GGA3: variants seen among roughly 807,000 people sequenced by gnomAD.
The protein encoded by GGA3 is ADP-ribosylation factor-binding protein GGA3.
GGA3 carries 57 observed loss-of-function variants against 77.5 expected under a neutral mutation model. That is an observed-to-expected ratio of 0.74 (90% CI 0.59 to 0.92). The LOEUF is 0.92. Among genes scored for constraint, GGA3 ranks in the 40% least tolerant of loss-of-function variants. The pLI is 0.00. For missense variants in GGA3, 970 were observed against 914.9 expected, an observed-to-expected ratio of 1.06 and a Z score of -0.78; for synonymous variants, 416 against 383.7, an observed-to-expected ratio of 1.08 and a Z score of -0.98.
intron 1 of GGA3, among the ~76,000 whole-genome samples, chr17:75,253,262 T>C (rs974929531): frequency 3.3e-5 from 5 of 152,198 alleles, no homozygotes; most frequent in Admixed American, 2.0e-4. Context: ...CACTTTCTCC[T>C]TTCCACTCTT....
At chr17:75,245,726 C>T (rs1332703535) in intron 3 of GGA3, among the ~76,000 whole-genome samples, 3 of 152,096 alleles carry the variant, frequency 2.0e-5, no homozygotes, top group Non-Finnish European at 4.4e-5. Context: ...TGTCTCACTA[C>T]GTTGCCTAGG....
chr17:75,239,850 A>C lies in GGA3; in HGVS notation c.1522T>G (p.Leu508Val). The change falls in exon 13 of 17, where the codon TTG becomes GTG. Residue 508 changes from leucine to valine, a missense_variant. Coordinates refer to ENST00000537686, the MANE Select transcript of GGA3 (RefSeq NM_138619.4). ...PAVPGHHGLA[L>V]GNSALHHLDA... ...AGGTGGTGCAGCGCGCTGTTGCCCA[A>C]CGCCAAGCCATGGTGCCCAGGGACT... is the stretch of plus-strand genomic sequence containing the variant. 1 of 1,613,994 alleles carries C rather than the reference A, an allele frequency of 6.2e-7. No individual in the cohort carries two copies. The highest frequency in any genetic ancestry group is 8.5e-7 in the Non-Finnish European group (1 of 1,180,032).
chr17:75,248,791 AAAAC>A, intron 1 of GGA3: 1 of 782,700 alleles, frequency 1.3e-6, no homozygotes, highest in Non-Finnish European at 1.4e-6. Context: ...GTCTAAAAAA[AAAAC>A]AAAAACAAAA....
intron 1 of GGA3, among the ~76,000 whole-genome samples, chr17:75,261,164 C>T (rs577317645): frequency 2.8e-4 from 42 of 152,380 alleles, no homozygotes; most frequent in Non-Finnish European, 5.0e-4. Context: ...AAGCTTCTCC[C>T]TTAGTCAGGG....
intron 10 of GGA3, 27 bp from the exon 11 acceptor site, chr17:75,241,084 GAAT>G (rs1251597424): frequency 6.2e-7 from 1 of 1,613,610 alleles, no homozygotes; most frequent in African/African-American, 1.3e-5. Context: ...AGCAGAACAG[GAAT>G]AATTAGGGGT....
chr17:75,256,359 C>A lies in GGA3; in HGVS notation c.40+5189G>T, dbSNP rs189469555. Among the ~76,000 whole-genome samples the A allele has an allele frequency of 2.0e-5, 3 of 152,268 alleles. No individual in the cohort carries two copies. The East Asian group carries it at 5.8e-4, about 29-fold the overall frequency. On this transcript the variant is annotated intron_variant, in intron 1 of 16. Coordinates refer to ENST00000537686, the MANE Select transcript of GGA3 (RefSeq NM_138619.4). Reference sequence around the variant, plus strand: ...TATACTTTCTGCTCCCCGGCTCCTTCAGCTGTACTCACTCTTTGTTAAGTC... The same window carrying A: ...TATACTTTCTGCTCCCCGGCTCCTTAAGCTGTACTCACTCTTTGTTAAGTC...
chr17:75,259,585 G>C (rs1490791581), intron 1 of GGA3, among the ~76,000 whole-genome samples: 1 of 152,152 alleles, frequency 6.6e-6, no homozygotes, highest in Non-Finnish European at 1.5e-5. Flanking sequence ...ACAGTGGAAT[G>C]ATTTGATTCA....
chr17:75,238,918 G>C lies in GGA3; in HGVS notation c.1946C>G (p.Pro649Arg). The C allele has an allele frequency of 6.2e-7, 1 of 1,613,844 alleles. No homozygotes were observed. The highest frequency in any genetic ancestry group is 8.5e-7 in the Non-Finnish European group (1 of 1,179,870). Residue 649 changes from proline (P) to arginine (R), a missense_variant, in exon 15 of 17, where the codon CCC becomes CGC. Physicochemically the swap from Pro to Arg is moderately radical, Grantham distance 103. Transcript: ENST00000537686. ...GCCCCAGGGAGACACTGGTACCTTGGGCACTGCAGCCTGCAGCACGATGCT... is the reference window on the plus strand; with the variant it reads ...GCCCCAGGGAGACACTGGTACCTTGCGCACTGCAGCCTGCAGCACGATGCT... ...VKSIVLQAAV[P>R]KSMKVKLQPP...
chr17:75,245,525 G>GT (rs142783790), intron 3 of GGA3, among the ~76,000 whole-genome samples: 4,472 of 149,080 alleles, frequency 0.03, 90 homozygotes, highest in Non-Finnish European at 0.044. Flanking sequence ...GTTTTGTTAC[G>GT]TTTTTTTTTT....
intron 1 of GGA3, among the ~76,000 whole-genome samples, chr17:75,252,469 C>T (rs1350131280): frequency 6.6e-6 from 1 of 152,104 alleles, no homozygotes; most frequent in African/African-American, 2.4e-5. Context: ...TCCTTCTTCC[C>T]TCTCTCCTCA....
chr17:75,253,043 C>T (rs1012513133), intron 1 of GGA3, among the ~76,000 whole-genome samples: 6 of 152,162 alleles, frequency 3.9e-5, no homozygotes, highest in South Asian at 2.1e-4. Context: ...TTCACATGGA[C>T]GCGCATGAAA....
At chr17:75,253,513 G>A (rs928243239) in intron 1 of GGA3, among the ~76,000 whole-genome samples, 7 of 152,102 alleles carry the variant, frequency 4.6e-5, no homozygotes, top group African/African-American at 1.7e-4. Flanking sequence ...TGCTTTTCTG[G>A]GGGAGGGGCA....
At chr17:75,260,873 G>A (rs2077337402) in intron 1 of GGA3, among the ~76,000 whole-genome samples, 2 of 151,700 alleles carry the variant, frequency 1.3e-5, no homozygotes, top group African/African-American at 4.8e-5. Flanking sequence ...CTCAGAATAG[G>A]CTATCAACAC....
At chr17:75,242,186 C>T (rs1037853234) in intron 8 of GGA3, 150 bp downstream of exon 8, 12 of 811,552 alleles carry the variant, frequency 1.5e-5, no homozygotes, top group Non-Finnish European at 2.2e-5. Flanking sequence ...CCTCTACTGA[C>T]GTGGCTGCTG....
At chr17:75,239,105 G>C in intron 14 of GGA3, 22 bp from the exon 15 acceptor site, 1 of 1,606,888 alleles carries the variant, frequency 6.2e-7, no homozygotes, top group South Asian at 1.1e-5. Context: ...TGACGTGAGT[G>C]TGGGAGGAGC....
intron 1 of GGA3, among the ~76,000 whole-genome samples, chr17:75,260,933 A>G (rs1008147211): frequency 5.9e-5 from 9 of 152,132 alleles, no homozygotes; most frequent in Non-Finnish European, 1.2e-4. Context: ...TGGGGGGGGA[A>G]TTCCCGACAC....
At chr17:75,249,322 C>G (rs1473428) in intron 1 of GGA3, among the ~76,000 whole-genome samples, 1 of 152,090 alleles carries the variant, frequency 6.6e-6, no homozygotes, top group Non-Finnish European at 1.5e-5. Context: ...GGATTACAGG[C>G]GGGAGCCACC....
chr17:75,241,084 GAATA>G, intron 10 of GGA3, 27 bp from the exon 11 acceptor site: 1 of 1,613,728 alleles, frequency 6.2e-7, no homozygotes, highest in Non-Finnish European at 8.5e-7. Context: ...AGCAGAACAG[GAATA>G]ATTAGGGGTC....
chr17:75,242,181 A>T, intron 8 of GGA3, 155 bp downstream of exon 8: 1 of 787,142 alleles, frequency 1.3e-6, no homozygotes, highest in Non-Finnish European at 2.1e-6. Flanking sequence ...GCCACCCTCT[A>T]CTGACGTGGC....
Sources: gnomAD v4.1 joint callset for allele counts (sites outside exome capture counted in the v4.1 genomes callset) on GRCh38, gnomAD v4.1.1 for gene constraint, MANE v1.5 for transcripts, NCBI Gene and HGNC (gene_info 2026-07-23, HGNC 2026-07-21) for gene names.